Variants in NEURL4 observed in about 807,000 individuals in gnomAD.
NEURL4 encodes the protein neuralized-like protein 4.
A neutral mutation model predicts 148.0 loss-of-function variants in NEURL4; 45 were observed. The ratio of observed to expected loss-of-function variants is 0.30; its 90% CI spans 0.24 to 0.39. The LOEUF (loss-of-function observed/expected upper bound fraction) is 0.39, where lower values mean the gene tolerates loss of function less well. Among genes scored for constraint, NEURL4 ranks in the 10% least tolerant of loss-of-function variants. NEURL4 has a pLI of 1.00. For synonymous variants in NEURL4, 854 were observed against 869.0 expected, an observed-to-expected ratio of 0.98 and a Z score of 0.30; for missense variants, 1,776 against 2,144.0, an observed-to-expected ratio of 0.83 and a Z score of 3.39.
Position 7,317,869 on chromosome 17 carries a change from C to T in NEURL4, c.4124G>A (p.Arg1375Gln), listed in dbSNP as rs868261670. Residue 1375 changes from arginine to glutamine, a missense_variant, in exon 26 of 29, where the codon CGA (arginine) becomes CAA (glutamine). Physicochemically the swap from Arg to Gln is conservative, Grantham distance 43 (BLOSUM62 1). Transcript: ENST00000399464. ...TCTGCGCCTGTGGGCCTCGTCTCCT[C>T]GCAGCTTCCGGCAAGACTCACAGTA... ...LCYCESCRKL[R>Q]GDEAHRRRGE... 3 of 1,614,032 alleles carry T rather than the reference C, an allele frequency of 1.9e-6. No individual in the cohort carries two copies. Among genetic ancestry groups the T allele is most frequent in the Admixed American group, 1.7e-5 (1 of 60,012 alleles).
chr17:7,324,505 G>A lies in NEURL4; in HGVS notation c.1814-25C>T, dbSNP rs2143013000. ...CCTGGGAGGACAAGGAGCAGGAGGG[G>A]ACATGAGGGGAAATGCAGGGCTCCT... is the stretch of plus-strand genomic sequence containing the variant. On this transcript the variant is annotated intron_variant, in intron 9 of 28. Coordinates refer to ENST00000399464, the MANE Select transcript of NEURL4 (RefSeq NM_032442.3). The surrounding 1 kb of genome is among the most constrained non-coding windows in gnomAD (Gnocchi z 5.9). 4 of 1,600,154 alleles carry A rather than the reference G, an allele frequency of 2.5e-6. No individual in the cohort carries two copies. The highest frequency in any genetic ancestry group is 2.2e-5 in the East Asian group (1 of 44,830).
chr17:7,327,296 A>G lies in NEURL4; in HGVS notation c.728-66T>C, dbSNP rs2143013580. The G allele has an allele frequency of 6.7e-7, 1 of 1,496,132 alleles. No homozygotes were observed. The allele number at this position is 1,496,132 out of a possible 1,614,324, so 92.7% of individuals were successfully genotyped here. A position where few individuals can be genotyped will look rare whatever the true frequency, so the allele number is the denominator to read the frequency against. ...CCCTGCTTCACGGCCCATAGCCAGG[A>G]GAACCCCCCATCCTCTAGCTCCTGC... is the stretch of plus-strand genomic sequence containing the variant. On this transcript the variant is annotated intron_variant, in intron 2 of 28. Coordinates refer to ENST00000399464, the MANE Select transcript of NEURL4 (RefSeq NM_032442.3). The surrounding 1 kb of genome is among the most constrained non-coding windows in gnomAD (Gnocchi z 6.6).
At position 7,323,073 on chromosome 17, in the gene NEURL4, C is replaced by T; in HGVS notation, c.2468G>A (p.Cys823Tyr). 6.2e-7 allele frequency: 1 copy of T among 1,613,806 alleles called. No homozygotes were observed. Among genetic ancestry groups the T allele is most frequent in the Non-Finnish European group, 8.5e-7 (1 of 1,179,974 alleles). Residue 823 changes from cysteine to tyrosine, a missense_variant, in exon 15 of 29, where the codon TGT becomes TAT. Physicochemically the swap from Cys to Tyr is radical, Grantham distance 194. Coordinates refer to ENST00000399464, the MANE Select transcript of NEURL4 (RefSeq NM_032442.3). ...DGNTMRNNYG[C>Y]DLDALGTGAR... ...ACCTGTGCCCAGCGCATCCAGGTCA[C>T]ACCCATAATTGTTGCGCATCGTGTT...
In NEURL4 at chr17:7,318,812, A is replaced by G. The variant is rs1017473215; in HGVS notation, c.3685-138T>C. ...ACTGCCGAGGTTCTCCTCCCACTGC[A>G]GTTACCTAGAGCCCCTCCCCTTCCC... On this transcript the variant is annotated intron_variant, in intron 22 of 28. Coordinates refer to ENST00000399464, the MANE Select transcript of NEURL4 (RefSeq NM_032442.3). The surrounding 1 kb of genome is among the most constrained non-coding windows in gnomAD (Gnocchi z 4.3). 3.9e-6 allele frequency: 4 copies of G among 1,018,272 alleles called. No individual in the cohort carries two copies. Among genetic ancestry groups the G allele is most frequent in the Non-Finnish European group, 5.7e-6 (4 of 707,348 alleles). 63.1% of individuals were successfully genotyped at this position (1,018,272 alleles called of 1,614,324 possible). A position where few individuals can be genotyped will look rare whatever the true frequency, so the allele number is the denominator to read the frequency against.
In NEURL4 at chr17:7,324,857, G is replaced by A. The variant is rs2073080238; in HGVS notation, c.1755C>T (p.Val585=). ...DKWAGSIEIG[V]TTHNPAYLQL... The stretch of plus-strand genomic sequence containing the variant: ...GGAGGTAGGCAGGGTTGTGGGTGGT[G>A]ACACCAATTTCAATGGAGCCAGCCC... The change falls in exon 9 of 29, where the codon GTC becomes GTT. Residue 585 remains valine (V), a synonymous_variant. Coordinates refer to ENST00000399464, the MANE Select transcript of NEURL4 (RefSeq NM_032442.3). This position sits in a 1 kb window ranked among gnomAD's most constrained non-coding sequence, Gnocchi z 5.9. The A allele has an allele frequency of 6.2e-7, 1 of 1,614,188 alleles. No homozygotes were observed. The highest frequency in any genetic ancestry group is 8.5e-7 in the Non-Finnish European group (1 of 1,180,034).
Position 7,327,056 on chromosome 17 carries a change from C to T in NEURL4, c.794-47G>A. Reference sequence around the variant, plus strand: ...AGGAAGCTCGGAAGTTGGGATGAGGCTCTACACCCCCAGACCTGGTGCCTC... The same window carrying T: ...AGGAAGCTCGGAAGTTGGGATGAGGTTCTACACCCCCAGACCTGGTGCCTC... On this transcript the variant is annotated intron_variant, in intron 3 of 28. Coordinates refer to ENST00000399464, the MANE Select transcript of NEURL4 (RefSeq NM_032442.3). The surrounding 1 kb of genome is among the most constrained non-coding windows in gnomAD (Gnocchi z 6.6). 2 of 1,602,080 alleles carry T rather than the reference C, an allele frequency of 1.2e-6. No individual in the cohort carries two copies. The highest frequency in any genetic ancestry group is 1.7e-6 in the Non-Finnish European group (2 of 1,177,020).
In NEURL4 at chr17:7,326,415, C is replaced by A; in HGVS notation, c.1204+22G>T. On this transcript the variant is annotated intron_variant, in intron 5 of 28. Transcript: ENST00000399464. The surrounding 1 kb of genome is among the most constrained non-coding windows in gnomAD (Gnocchi z 6.0). ...CTCAGCAACACCAGGCCTGCACCCC[C>A]GCCCCTGCCCGGGGCTGGTACCTGA... is the stretch of plus-strand genomic sequence containing the variant. 2 of 1,612,966 alleles carry A rather than the reference C, an allele frequency of 1.2e-6. No homozygotes were observed. Among genetic ancestry groups the A allele is most frequent in the Non-Finnish European group, 1.7e-6 (2 of 1,178,952 alleles).
rs977205159 is a variant in NEURL4 at position 7,323,966 on chromosome 17, C to T, written c.2109G>A (p.Val703=). The T allele has an allele frequency of 1.9e-6, 3 of 1,612,304 alleles. No individual in the cohort carries two copies. The highest frequency in any genetic ancestry group is 1.1e-5 in the South Asian group (1 of 91,086). ...PEPLPEGNNQ[V]SPSSPSSGAG... ...CCCCTGAGGACGGAGAGCTTGGAGA[C>T]ACCTGGTTGTTCCCCTCAGGGAGTG... Residue 703 remains valine, a synonymous_variant, in exon 12 of 29, where the codon GTG becomes GTA. Transcript: ENST00000399464.
chr17:7,322,673 C>T lies in NEURL4; in HGVS notation c.2725+62G>A. The T allele has an allele frequency of 1.9e-6, 3 of 1,581,612 alleles. No homozygotes were observed. Among genetic ancestry groups the T allele is most frequent in the Non-Finnish European group, 2.6e-6 (3 of 1,164,740 alleles). ...TGCAGAACCTCTCTAACCTGGAAAC[C>T]CTACTCCTCAGGTGCACAGCAGGCA... On this transcript the variant is annotated intron_variant, in intron 16 of 28. Coordinates refer to ENST00000399464, the MANE Select transcript of NEURL4 (RefSeq NM_032442.3). This position sits in a 1 kb window ranked among gnomAD's most constrained non-coding sequence, Gnocchi z 5.5.
In NEURL4 at chr17:7,322,621, C is replaced by T. The variant is rs2073048062; in HGVS notation, c.2725+114G>A. 1.5e-6 allele frequency: 2 copies of T among 1,374,818 alleles called. No individual in the cohort carries two copies. Among genetic ancestry groups the T allele is most frequent in the Admixed American group, 3.8e-5 (2 of 52,432 alleles). 85.2% of individuals were successfully genotyped at this position (1,374,818 alleles called of 1,614,324 possible). A position where few individuals can be genotyped will look rare whatever the true frequency, so the allele number is the denominator to read the frequency against. ...ACCGTGGGCTGTCCCTTCCCTGGAG[C>T]CGGCAGCTACCCCAGCCAACCGTCT... On this transcript the variant is annotated intron_variant, in intron 16 of 28. Coordinates refer to ENST00000399464, the MANE Select transcript of NEURL4 (RefSeq NM_032442.3). This position sits in a 1 kb window ranked among gnomAD's most constrained non-coding sequence, Gnocchi z 5.5.
chr17:7,327,355 C>A lies in NEURL4; in HGVS notation c.727+85G>T. ...TCAACAGACTTGGGGATCAGGGTGG[C>A]CCTGCCCACACCCAGCCTGTCTTGT... On this transcript the variant is annotated intron_variant, in intron 2 of 28. Transcript: ENST00000399464. The surrounding 1 kb of genome is among the most constrained non-coding windows in gnomAD (Gnocchi z 6.6). 6.9e-7 allele frequency: 1 copy of A among 1,447,028 alleles called. No individual in the cohort carries two copies. 89.6% of individuals were successfully genotyped at this position (1,447,028 alleles called of 1,614,324 possible). A position where few individuals can be genotyped will look rare whatever the true frequency, so the allele number is the denominator to read the frequency against.
Position 7,319,050 on chromosome 17 carries a change from C to T in NEURL4, c.3684G>A (p.Lys1228=). 2 of 1,610,198 alleles carry T rather than the reference C, an allele frequency of 1.2e-6. No individual in the cohort carries two copies. Among genetic ancestry groups the T allele is most frequent in the African/African-American group, 2.7e-5 (2 of 74,934 alleles). ...RGRGVFHNGL[K]ICEKFGPNLD... is the part of the protein sequence containing the mutation. ...TTCCTTCTCTCTGGCTCCTACTCAC[C>T]TTGAGACCGTTGTGGAAGACCCCAC... is the stretch of plus-strand genomic sequence containing the variant. The change falls in exon 22 of 29, where the codon AAG becomes AAA. Residue 1228 remains lysine, a splice_region_variant and synonymous_variant. Coordinates refer to ENST00000399464, the MANE Select transcript of NEURL4 (RefSeq NM_032442.3).
Position 7,318,597 on chromosome 17 carries a change from C to T in NEURL4, c.3762G>A (p.Gly1254=). 1 of 1,614,074 alleles carries T rather than the reference C, an allele frequency of 6.2e-7. No homozygotes were observed. Among genetic ancestry groups the T allele is most frequent in the Non-Finnish European group, 8.5e-7 (1 of 1,179,998 alleles). The change falls in exon 23 of 29, where the codon GGG becomes GGA. Residue 1254 remains glycine, a synonymous_variant. Transcript: ENST00000399464. This position sits in a 1 kb window ranked among gnomAD's most constrained non-coding sequence, Gnocchi z 4.3. ...CCCCATTAACATGAAGATGCAGCCC[C>T]CCAGAGCTGTCCAGCCGCAGTCCCA... ...TILGLRLDSS[G]GLHLHVNGVD...
chr17:7,320,977 C>T, intron 20 of NEURL4, 54 bp from the exon 21 acceptor site: 1 of 1,605,350 alleles, frequency 6.2e-7, no homozygotes, highest in Non-Finnish European at 8.5e-7. Context: ...AGGACTGACC[C>T]ACCCCACTGG....
chr17:7,325,155 C>T (rs968649966), intron 8 of NEURL4, 54 bp downstream of exon 8: 6 of 711,536 alleles, frequency 8.4e-6, no homozygotes, highest in South Asian at 1.6e-5. Flanking sequence ...GCCCCGCCCC[C>T]CCCCCCCCAT....
chr17:7,325,159 C>A (rs1369153279), intron 8 of NEURL4, 50 bp downstream of exon 8: 3 of 817,166 alleles, frequency 3.7e-6, no homozygotes, highest in South Asian at 1.5e-5. Context: ...CGCCCCCCCC[C>A]CCCCATTAGA....
chr17:7,322,764 G>A lies in NEURL4; in HGVS notation c.2696C>T (p.Thr899Ile), dbSNP rs976232484. Residue 899 changes from threonine (T) to isoleucine (I), a missense_variant, in exon 16 of 29, where the codon ACC becomes ATC. Thr to Ile is a moderately conservative substitution (Grantham distance 89). Coordinates refer to ENST00000399464, the MANE Select transcript of NEURL4 (RefSeq NM_032442.3). The surrounding 1 kb of genome is among the most constrained non-coding windows in gnomAD (Gnocchi z 5.5). ...GGAGTGCAGTGGGAAGGACTTCTCG[G>A]TGGCAGTGTTGCTGGTCGCCAGGCT... The part of the protein sequence containing the change: ...DNSLATSNTA[T>I]EKSFPLHSPV... 6 of 1,613,308 alleles carry A rather than the reference G, an allele frequency of 3.7e-6. No individual in the cohort carries two copies. The African/African-American group carries it at 4.0e-5, about 11-fold the overall frequency.
intron 8 of NEURL4, 27 bp downstream of exon 8, chr17:7,325,182 G>T: frequency 7.2e-7 from 1 of 1,387,270 alleles, no homozygotes; most frequent in Non-Finnish European, 9.6e-7. Flanking sequence ...CCCTTCTTCA[G>T]GCTTCTCCCC....
chr17:7,320,680 A>G (rs1239693728), intron 21 of NEURL4, 79 bp downstream of exon 21: 3 of 1,362,472 alleles, frequency 2.2e-6, no homozygotes, highest in African/African-American at 1.5e-5. Flanking sequence ...TTCTCCACAC[A>G]AAAAGGCCTT....
Sources: allele counts gnomAD v4.1 joint callset, GRCh38; gene constraint gnomAD v4.1.1; non-coding constraint Gnocchi (gnomAD v3.1); transcripts MANE v1.5; gene names NCBI Gene and HGNC (gene_info 2026-07-23, HGNC 2026-07-21).